Variants in SBNO1 observed in about 807,000 individuals in gnomAD.
The protein encoded by SBNO1 is strawberry notch homolog 1.
A neutral mutation model predicts 173.6 loss-of-function variants in SBNO1; 23 were observed. That is an observed-to-expected ratio of 0.13 (90% confidence interval 0.10 to 0.19). SBNO1 has a LOEUF of 0.19. SBNO1 is among the 10% of genes least tolerant of loss of function. SBNO1 has a pLI of 1.00. For missense variants in SBNO1, 1,238 were observed against 1,671.2 expected (o/e 0.74, Z 4.52); for synonymous variants, 632 against 571.5 (o/e 1.11, Z -1.51).
intron 4 of SBNO1, among the ~76,000 whole-genome samples, chr12:123,341,696 A>AT (rs552739871): frequency 5.3e-4 from 79 of 148,686 alleles, no homozygotes; most frequent in Middle Eastern, 7.0e-3. Context: ...TAATTTTGTA[A>AT]TTTTTTTTTT....
At chr12:123,318,164 G>A (rs1004803167) in intron 20 of SBNO1, among the ~76,000 whole-genome samples, 18 of 152,160 alleles carry the variant, frequency 1.2e-4, no homozygotes, top group African/African-American at 3.6e-4. Flanking sequence ...ATGTTGCCCA[G>A]GCTGGTCTCA....
At chr12:123,335,116 T>C (rs1871684367) in intron 6 of SBNO1, among the ~76,000 whole-genome samples, 1 of 152,224 alleles carries the variant, frequency 6.6e-6, no homozygotes, top group South Asian at 2.1e-4. Flanking sequence ...GCTTGAGCCT[T>C]GTAGGCTAAG....
intron 6 of SBNO1, among the ~76,000 whole-genome samples, chr12:123,334,580 C>T (rs1289880872): frequency 3.9e-5 from 6 of 151,942 alleles, no homozygotes; most frequent in African/African-American, 1.2e-4. Flanking sequence ...TGTTGGCACG[C>T]GCCTGTAATT....
intron 23 of SBNO1, among the ~76,000 whole-genome samples, chr12:123,314,411 C>T (rs1869017276): frequency 6.6e-6 from 1 of 151,760 alleles, no homozygotes; most frequent in Admixed American, 6.6e-5. Context: ...CTCACTGCAA[C>T]CTCTGCATCC....
chr12:123,354,238 T>C (rs1000666319), intron 1 of SBNO1, among the ~76,000 whole-genome samples: 6 of 152,200 alleles, frequency 3.9e-5, no homozygotes. Flanking sequence ...TGTATACTTG[T>C]ATATACCAAA....
chr12:123,346,457 G>A lies in SBNO1; in HGVS notation c.238-887C>T, dbSNP rs543929048. The stretch of plus-strand genomic sequence containing the variant: ...AGGCGGGCGGATCACGAGGTCAGGA[G>A]ATCGAGACCATCCTGGCTAACACGG... On this transcript the variant is annotated intron_variant, in intron 3 of 31. Transcript: ENST00000602398. Among the ~76,000 whole-genome samples, 5 of 152,118 alleles carry A rather than the reference G, an allele frequency of 3.3e-5. No homozygotes were observed. In the East Asian group the frequency reaches 5.8e-4, roughly 18 times the overall value.
At chr12:123,337,197 A>G (rs932655509) in intron 5 of SBNO1, among the ~76,000 whole-genome samples, 1 of 152,202 alleles carries the variant, frequency 6.6e-6, no homozygotes, top group African/African-American at 2.4e-5. Context: ...CACTGAGAAA[A>G]CAGAAGTAAA....
At chr12:123,338,995 A>G (rs552151216) in intron 5 of SBNO1, among the ~76,000 whole-genome samples, 22 of 150,970 alleles carry the variant, frequency 1.5e-4, no homozygotes, top group Admixed American at 8.0e-4. Flanking sequence ...TGCTAAGCCA[A>G]TAAAAAACTT....
At chr12:123,309,664 A>G in intron 26 of SBNO1, 46 bp downstream of exon 26, 1 of 1,606,180 alleles carries the variant, frequency 6.2e-7, no homozygotes, top group Non-Finnish European at 8.5e-7. Context: ...TCTCCACTCC[A>G]CATTTTCCCT....
intron 4 of SBNO1, among the ~76,000 whole-genome samples, chr12:123,343,273 A>C (rs1052342606): frequency 6.6e-6 from 1 of 152,178 alleles, no homozygotes; most frequent in African/African-American, 2.4e-5. Context: ...TAACTAAACA[A>C]GGAAACTAGA....
chr12:123,338,399 C>T (rs1198520234), intron 5 of SBNO1, among the ~76,000 whole-genome samples: 1 of 151,814 alleles, frequency 6.6e-6, no homozygotes, highest in Non-Finnish European at 1.5e-5. Flanking sequence ...CTAAAAAATA[C>T]AGGCCAGGCA....
intron 8 of SBNO1, 72 bp from the exon 9 acceptor site, chr12:123,330,581 A>G: frequency 1.1e-6 from 1 of 897,780 alleles, no homozygotes; most frequent in Non-Finnish European, 1.7e-6. Context: ...AAAATTAATA[A>G]AGCCAGGTCT....
At chr12:123,364,238 AGAGCCGG>A in intron 1 of SBNO1, 1 of 985,626 alleles carries the variant, frequency 1.0e-6, no homozygotes, top group Non-Finnish European at 1.2e-6. Flanking sequence ...TCCCTCGCCC[AGAGCCGG>A]GAGCAATGCT....
rs1261989833 is a variant in SBNO1, at chr12:123,323,749, T to C, written c.2056A>G (p.Thr686Ala). The C allele has an allele frequency of 1.9e-6, 3 of 1,612,840 alleles. No individual in the cohort carries two copies. Among genetic ancestry groups the C allele is most frequent in the Non-Finnish European group, 2.5e-6 (3 of 1,179,456 alleles). The change falls in exon 16 of 32, where the codon ACA (threonine) becomes GCA (alanine). Residue 686 changes from threonine to alanine, a missense_variant. Physicochemically the swap from Thr to Ala is moderately conservative, Grantham distance 58. Transcript: ENST00000602398. ...GGCGAACTGTTGTTACTTGGAGCTG[T>C]CAAATCGATTCCTAGTAAACTATAA... ...KLYSLLGIDL[T>A]APSNNSSPRD...
intron 20 of SBNO1, among the ~76,000 whole-genome samples, chr12:123,319,089 G>A (rs924359430): frequency 1.3e-5 from 2 of 150,762 alleles, no homozygotes; most frequent in Non-Finnish European, 2.9e-5. Context: ...TCAGCCTCCT[G>A]AGTAGCTGGG....
chr12:123,309,914 A>G, intron 25 of SBNO1, 58 bp from the exon 26 acceptor site: 1 of 1,343,418 alleles, frequency 7.4e-7, no homozygotes, highest in African/African-American at 1.5e-5. Flanking sequence ...TTTTTTATTC[A>G]TCTAGGCTTA....
In SBNO1 at chr12:123,295,588, C is replaced by T; in HGVS notation, c.*320G>A. The T allele has an allele frequency of 4.2e-6, 1 of 239,246 alleles. No homozygotes were observed. The highest frequency in any genetic ancestry group is 8.2e-5 in the East Asian group (1 of 12,256). 14.8% of individuals were successfully genotyped at this position (239,246 alleles called of 1,614,324 possible). ...TTGGGAAGTTCCAAGCATTTTAAACCAACTGTGGTCTGTAGCCTTTAACAC... is the reference window on the plus strand; with the variant it reads ...TTGGGAAGTTCCAAGCATTTTAAACTAACTGTGGTCTGTAGCCTTTAACAC... On this transcript the variant is annotated 3_prime_UTR_variant, in exon 32 of 32. Coordinates refer to ENST00000602398, the MANE Select transcript of SBNO1 (RefSeq NM_001167856.3).
At chr12:123,345,810 C>T (rs1873059099) in intron 3 of SBNO1, among the ~76,000 whole-genome samples, 1 of 152,076 alleles carries the variant, frequency 6.6e-6, no homozygotes, top group African/African-American at 2.4e-5. Flanking sequence ...GCTGGGACTA[C>T]AGGTGCACAC....
At chr12:123,342,906 G>A (rs928195270) in intron 4 of SBNO1, among the ~76,000 whole-genome samples, 1 of 152,200 alleles carries the variant, frequency 6.6e-6, no homozygotes, top group African/African-American at 2.4e-5. Flanking sequence ...AAGATGAAGA[G>A]TATTTGGGAG....
Sources: gnomAD v4.1 joint callset for allele counts (sites outside exome capture counted in the v4.1 genomes callset) on GRCh38, gnomAD v4.1.1 for gene constraint, MANE v1.5 for transcripts, NCBI Gene and HGNC (gene_info 2026-07-23, HGNC 2026-07-21) for gene names.